The following RFX3 variants were observed in gnomAD, a reference collection of about 807,000 sequenced individuals.
RFX3 encodes the protein transcription factor RFX3.
Under a neutral mutation model 98.6 loss-of-function variants are expected in RFX3, and 14 were observed. The ratio of observed to expected loss-of-function variants is 0.14; its 90% CI spans 0.09 to 0.22. The LOEUF is 0.22. RFX3 is among the 10% of genes least tolerant of loss of function. RFX3 has a pLI of 1.00. For missense variants in RFX3, 639 were observed against 926.9 expected (o/e 0.69, Z 4.03); for synonymous variants, 383 against 328.4 (o/e 1.17, Z -1.80).
chr9:3,304,008 T>C (rs1828986176), intron 4 of RFX3, among the ~76,000 whole-genome samples: 2 of 152,064 alleles, frequency 1.3e-5, no homozygotes, highest in South Asian at 2.1e-4. Flanking sequence ...GGAAGAAATA[T>C]GGAATGATAG....
At chr9:3,264,262 C>T (rs1823319622) in intron 12 of RFX3, among the ~76,000 whole-genome samples, 1 of 151,978 alleles carries the variant, frequency 6.6e-6, no homozygotes, top group South Asian at 2.1e-4. Flanking sequence ...GTTATGTGCA[C>T]AATATAGATC....
chr9:3,476,982 T>A (rs1334875708), intron 1 of RFX3, among the ~76,000 whole-genome samples: 1 of 152,174 alleles, frequency 6.6e-6, no homozygotes. Flanking sequence ...CACACCCTAG[T>A]GAGATATTGT....
intron 2 of RFX3, among the ~76,000 whole-genome samples, chr9:3,380,733 T>C (rs567917516): frequency 1.2e-4 from 19 of 152,334 alleles, no homozygotes; most frequent in Admixed American, 6.5e-4. Flanking sequence ...AAAATGAAGA[T>C]AGAAATATAA....
intron 1 of RFX3, among the ~76,000 whole-genome samples, chr9:3,523,545 C>T (rs756167051): frequency 3.9e-5 from 6 of 152,124 alleles, no homozygotes; most frequent in Non-Finnish European, 5.9e-5. Context: ...CTGAGCTATA[C>T]ATGAGTGAAA....
intron 1 of RFX3, among the ~76,000 whole-genome samples, chr9:3,470,439 CG>C (rs1264517668): frequency 2.0e-5 from 3 of 151,708 alleles, no homozygotes; most frequent in African/African-American, 7.3e-5. Flanking sequence ...CTTAGCCTCC[CG>C]AGTAGCTGGG....
intron 1 of RFX3, among the ~76,000 whole-genome samples, chr9:3,479,015 C>T (rs1217734769): frequency 6.6e-6 from 1 of 152,126 alleles, no homozygotes; most frequent in African/African-American, 2.4e-5. Context: ...ATTAACTGTG[C>T]TCTGGGGATA....
intron 1 of RFX3, among the ~76,000 whole-genome samples, chr9:3,448,401 C>T (rs966566476): frequency 9.9e-5 from 15 of 152,168 alleles, no homozygotes; most frequent in Non-Finnish European, 2.1e-4. Context: ...TCCATTTCGA[C>T]CTTTACATCC....
At chr9:3,298,746 C>G (rs927076092) in intron 5 of RFX3, among the ~76,000 whole-genome samples, 2 of 151,890 alleles carry the variant, frequency 1.3e-5, no homozygotes, top group East Asian at 1.9e-4. Flanking sequence ...GCAAAGCAAT[C>G]AAGTTGGATT....
chr9:3,282,085 C>T (rs1436202329), intron 7 of RFX3, among the ~76,000 whole-genome samples: 2 of 151,694 alleles, frequency 1.3e-5, no homozygotes, highest in African/African-American at 2.4e-5. Flanking sequence ...AAATACTGAG[C>T]TCAGAACAAG....
intron 14 of RFX3, among the ~76,000 whole-genome samples, chr9:3,252,684 G>A (rs1004561627): frequency 2.6e-5 from 4 of 152,122 alleles, no homozygotes; most frequent in African/African-American, 9.7e-5. Flanking sequence ...GGTCTAGTAG[G>A]CCATGATAAG....
chr9:3,282,231 T>C (rs1826004207), intron 7 of RFX3, among the ~76,000 whole-genome samples: 1 of 151,736 alleles, frequency 6.6e-6, no homozygotes, highest in Non-Finnish European at 1.5e-5. Flanking sequence ...AAATAGTAAA[T>C]ATGAAGAGTT....
chr9:3,370,036 T>C (rs1358203927), intron 2 of RFX3, among the ~76,000 whole-genome samples: 1 of 141,942 alleles, frequency 7.0e-6, no homozygotes, highest in Non-Finnish European at 1.5e-5. Context: ...AGAGACGGGG[T>C]TTCCCCGTGT....
At chr9:3,294,894 C>T (rs1423934768) in intron 5 of RFX3, among the ~76,000 whole-genome samples, 6 of 152,050 alleles carry the variant, frequency 3.9e-5, no homozygotes, top group Admixed American at 2.0e-4. Context: ...TGCATAATAC[C>T]TCTTAACATA....
chr9:3,524,727 C>G, intron 1 of RFX3: 2 of 473,884 alleles, frequency 4.2e-6, no homozygotes, highest in Non-Finnish European at 5.5e-6. Flanking sequence ...TGAAACGGAA[C>G]CTCACTACTC....
chr9:3,246,068 G>C (rs1205191292), intron 15 of RFX3, among the ~76,000 whole-genome samples: 2 of 152,212 alleles, frequency 1.3e-5, no homozygotes, highest in Non-Finnish European at 2.9e-5. Context: ...TGAGGCATCA[G>C]TGTTGTATGA....
intron 2 of RFX3, among the ~76,000 whole-genome samples, chr9:3,366,844 A>G (rs1035456578): frequency 6.6e-6 from 1 of 151,792 alleles, no homozygotes; most frequent in African/African-American, 2.4e-5. Context: ...TAAATGAATT[A>G]TTTATAATAA....
intron 15 of RFX3, among the ~76,000 whole-genome samples, chr9:3,231,104 G>T (rs965545636): frequency 6.6e-6 from 1 of 152,124 alleles, no homozygotes; most frequent in African/African-American, 2.4e-5. Flanking sequence ...ACTAAATTCC[G>T]AGGCTTGTCA....
At chr9:3,519,779 C>T (rs1015512673) in intron 1 of RFX3, among the ~76,000 whole-genome samples, 6 of 152,044 alleles carry the variant, frequency 3.9e-5, no homozygotes, top group Non-Finnish European at 8.8e-5. Context: ...ACTCTAAACA[C>T]GTTTCCATTT....
intron 4 of RFX3, among the ~76,000 whole-genome samples, chr9:3,325,737 C>CA (rs1031099202): frequency 2.0e-5 from 3 of 151,110 alleles, no homozygotes; most frequent in Admixed American, 6.6e-5. Flanking sequence ...TGATGAGCAC[C>CA]AAAAAAAATC....
Sources: allele counts gnomAD v4.1 joint callset (sites outside exome capture counted in the v4.1 genomes callset), GRCh38; gene constraint gnomAD v4.1.1; transcripts MANE v1.5; gene names NCBI Gene and HGNC (gene_info 2026-07-23, HGNC 2026-07-21).